RXFP1: variants seen among roughly 807,000 people sequenced by gnomAD.
The protein encoded by RXFP1 is relaxin family peptide receptor 1, also known as relaxin receptor 1.
Under a neutral mutation model 89.8 loss-of-function variants are expected in RXFP1, and 73 were observed. The ratio of observed to expected loss-of-function variants is 0.81; its 90% CI spans 0.67 to 0.99. RXFP1 has a LOEUF of 0.99. Among genes scored for constraint, RXFP1 ranks in the 50% least tolerant of loss-of-function variants. RXFP1 has a pLI of 0.00. For missense variants in RXFP1, 793 were observed against 895.5 expected (o/e 0.89, Z 1.46); for synonymous variants, 277 against 305.5 (o/e 0.91, Z 0.97).
chr4:158,599,499 A>G (rs1476887694), intron 4 of RXFP1, 68 bp downstream of exon 4: 3 of 1,186,196 alleles, frequency 2.5e-6, no homozygotes, highest in African/African-American at 3.1e-5. Context: ...TATAATTAAG[A>G]CCATGTGATT....
chr4:158,569,060 A>G (rs1379239149), intron 1 of RXFP1, among the ~76,000 whole-genome samples: 3 of 152,242 alleles, frequency 2.0e-5, no homozygotes, highest in Non-Finnish European at 4.4e-5. Flanking sequence ...CTCAGATTTT[A>G]AAGTGTTATA....
intron 1 of RXFP1, among the ~76,000 whole-genome samples, chr4:158,525,392 G>T (rs1579318036): frequency 1.3e-5 from 2 of 152,218 alleles, no homozygotes; most frequent in African/African-American, 4.8e-5. Context: ...ACAATTTTGT[G>T]TTGTTTTTAC....
chr4:158,621,932 T>C (rs533264214), intron 9 of RXFP1, among the ~76,000 whole-genome samples: 1 of 152,340 alleles, frequency 6.6e-6, no homozygotes, highest in East Asian at 1.9e-4. Context: ...GACAAGGTTG[T>C]GGCTAGAAAG....
chr4:158,625,092 T>G (rs1166731181), intron 9 of RXFP1, among the ~76,000 whole-genome samples: 1 of 152,098 alleles, frequency 6.6e-6, no homozygotes, highest in East Asian at 1.9e-4. Context: ...CATCACCACC[T>G]GGTGGTAGAT....
chr4:158,632,968 G>A (rs1768389760), intron 11 of RXFP1, among the ~76,000 whole-genome samples: 1 of 152,050 alleles, frequency 6.6e-6, no homozygotes, highest in Non-Finnish European at 1.5e-5. Context: ...TCAGGAGTTC[G>A]AGACCAACCT....
At chr4:158,622,157 G>A (rs1580139045) in intron 9 of RXFP1, among the ~76,000 whole-genome samples, 1 of 151,686 alleles carries the variant, frequency 6.6e-6, no homozygotes, top group Non-Finnish European at 1.5e-5. Context: ...CTAAAAATAC[G>A]AAAATTAGCC....
At chr4:158,538,860 T>C (rs1320366202) in intron 1 of RXFP1, among the ~76,000 whole-genome samples, 1 of 151,878 alleles carries the variant, frequency 6.6e-6, no homozygotes, top group Non-Finnish European at 1.5e-5. Context: ...CTATGACTTC[T>C]CTATGAAATA....
rs1772882635 is a variant in RXFP1 at position 158,652,258 on chromosome 4, A to C, written c.*203A>C. On this transcript the variant is annotated 3_prime_UTR_variant, in exon 18 of 18. Coordinates refer to ENST00000307765, the MANE Select transcript of RXFP1 (RefSeq NM_021634.4). The stretch of plus-strand genomic sequence containing the variant: ...CAATAATGTATATATATTAGTAGAC[A>C]TTTTGCATAAGAAATTAAGAGAAAT... The C allele has an allele frequency of 4.2e-6, 2 of 475,300 alleles. No homozygotes were observed. Among genetic ancestry groups the C allele is most frequent in the Non-Finnish European group, 7.3e-6 (2 of 273,870 alleles). The allele number at this position is 475,300 out of a possible 1,614,324, so 29.4% of individuals were successfully genotyped here. A position where few individuals can be genotyped will look rare whatever the true frequency, so the allele number is the denominator to read the frequency against.
At chr4:158,637,102 T>C (rs946687384) in intron 12 of RXFP1, among the ~76,000 whole-genome samples, 1 of 152,190 alleles carries the variant, frequency 6.6e-6, no homozygotes, top group Admixed American at 6.5e-5. Context: ...CTGAATAGTA[T>C]TCTATTGTGT....
intron 1 of RXFP1, among the ~76,000 whole-genome samples, chr4:158,546,503 G>T (rs1390330835): frequency 1.3e-5 from 2 of 152,202 alleles, no homozygotes; most frequent in African/African-American, 4.8e-5. Flanking sequence ...TAGGAATGGT[G>T]AGAGAGGGCA....
At chr4:158,534,098 T>C (rs1254607341) in intron 1 of RXFP1, among the ~76,000 whole-genome samples, 2 of 152,128 alleles carry the variant, frequency 1.3e-5, no homozygotes, top group South Asian at 2.1e-4. Context: ...TCGATCACGT[T>C]CTTCTCTAAT....
At chr4:158,646,310 A>C (rs1561203222) in intron 15 of RXFP1, 1 of 464,042 alleles carries the variant, frequency 2.2e-6, no homozygotes, top group Non-Finnish European at 4.3e-6. Context: ...TAGGCTTCAG[A>C]ATTCAGTCAT....
chr4:158,572,949 T>C (rs1755409641), intron 2 of RXFP1, 114 bp downstream of exon 2: 3 of 1,422,608 alleles, frequency 2.1e-6, no homozygotes, highest in African/African-American at 1.4e-5. Context: ...ACAAAACATA[T>C]GTTGCTTAAG....
At position 158,630,949 on chromosome 4, in the gene RXFP1, C is replaced by T. The variant is rs543441484; in HGVS notation, c.899+2240C>T. Among the ~76,000 whole-genome samples the T allele has an allele frequency of 9.3e-4, 141 of 152,164 alleles. 1 individual carries two copies. Among genetic ancestry groups the T allele is most frequent in the Non-Finnish European group, 1.8e-3 (121 of 68,026 alleles). Reference sequence around the variant, plus strand: ...CTCTAGTGACAGAAAATCTTTGCCACGTGGGTGACTTAATTTGAGCTTTTA... The same window carrying T: ...CTCTAGTGACAGAAAATCTTTGCCATGTGGGTGACTTAATTTGAGCTTTTA... On this transcript the variant is annotated intron_variant, in intron 11 of 17. Transcript: ENST00000307765.
At chr4:158,623,701 C>A (rs1766128581) in intron 9 of RXFP1, among the ~76,000 whole-genome samples, 1 of 152,102 alleles carries the variant, frequency 6.6e-6, no homozygotes, top group East Asian at 1.9e-4. Context: ...CATTCCCACA[C>A]TTCTCTGCAT....
chr4:158,596,444 G>GA (rs1760630967), intron 3 of RXFP1, among the ~76,000 whole-genome samples: 1 of 151,892 alleles, frequency 6.6e-6, no homozygotes, highest in Non-Finnish European at 1.5e-5. Flanking sequence ...ATTTTTAGTA[G>GA]AAACGAGATT....
At chr4:158,642,407 G>T (rs934571986) in intron 14 of RXFP1, among the ~76,000 whole-genome samples, 3 of 152,058 alleles carry the variant, frequency 2.0e-5, no homozygotes, top group Non-Finnish European at 4.4e-5. Flanking sequence ...CTTTCTAGTT[G>T]TAACTTTGAA....
At chr4:158,625,965 T>C (rs1252253439) in intron 9 of RXFP1, among the ~76,000 whole-genome samples, 2 of 152,014 alleles carry the variant, frequency 1.3e-5, no homozygotes, top group Non-Finnish European at 2.9e-5. Flanking sequence ...AGAGGAACAA[T>C]AAAAGAGTAA....
chr4:158,591,052 T>C (rs1030507990), intron 2 of RXFP1, among the ~76,000 whole-genome samples: 11 of 152,280 alleles, frequency 7.2e-5, no homozygotes, highest in African/African-American at 2.4e-4. Context: ...TAGATATCCA[T>C]GAGGCTGGTG....
Sources: gnomAD v4.1 joint callset for allele counts (sites outside exome capture counted in the v4.1 genomes callset) on GRCh38, gnomAD v4.1.1 for gene constraint, MANE v1.5 for transcripts, NCBI Gene and HGNC (gene_info 2026-07-23, HGNC 2026-07-21) for gene names.